ZNRF3: variants seen among roughly 807,000 people sequenced by gnomAD.
ZNRF3 encodes the protein zinc and ring finger 3, also known as E3 ubiquitin-protein ligase ZNRF3.
In ZNRF3, 23 loss-of-function variants were observed where a neutral mutation model predicts 72.5. That is an observed-to-expected ratio of 0.32 (90% CI 0.23 to 0.45). The LOEUF (loss-of-function observed/expected upper bound fraction) is 0.45. Ranked by LOEUF, ZNRF3 falls within the 20% of genes least tolerant of loss-of-function variation. ZNRF3 has a pLI of 1.00. For synonymous variants in ZNRF3, 610 were observed against 545.3 expected (o/e 1.12, Z -1.65); for missense variants, 1,169 against 1,272.1 (o/e 0.92, Z 1.23).
Position 29,050,666 on chromosome 22 carries a change from A to T in ZNRF3, c.2485A>T (p.Ile829Phe). ...YPGARDLSQR[I>F]PIIPEDVDCD... ...CGGGGCCCGGGACCTGAGCCAGCGC[A>T]TCCCCATCATTCCAGAGGATGTGGA... The change falls in exon 8 of 9, where the codon ATC (isoleucine) becomes TTC (phenylalanine). Residue 829 changes from isoleucine to phenylalanine, a missense_variant. This residue lies in a region of ZNRF3 where 783 missense variants were observed against 731.4 expected (regional missense o/e 1.07). Transcript: ENST00000544604. The T allele has an allele frequency of 1.2e-6, 2 of 1,612,490 alleles. No homozygotes were observed. Among genetic ancestry groups the T allele is most frequent in the Non-Finnish European group, 1.7e-6 (2 of 1,179,632 alleles).
chr22:29,050,375 A>G lies in ZNRF3; in HGVS notation c.2194A>G (p.Thr732Ala), dbSNP rs762695568. The change falls in exon 8 of 9, where the codon ACC becomes GCC. Residue 732 changes from threonine (T) to alanine (A), a missense_variant. Physicochemically the swap from Thr to Ala is moderately conservative, Grantham distance 58. This residue lies in a region of ZNRF3 where 783 missense variants were observed against 731.4 expected (regional missense o/e 1.07). Transcript: ENST00000544604. ...TAGCGCCGGAGCAGCTGGCAGCAGC[A>G]CCTTGTTCCTGGGGCCCCACCTCTA... Reference protein sequence around the residue: ...GPSAGAAGSSTLFLGPHLYEG... With the variant: ...GPSAGAAGSSALFLGPHLYEG... The G allele has an allele frequency of 6.2e-7, 1 of 1,603,970 alleles. No homozygotes were observed. Among genetic ancestry groups the G allele is most frequent in the South Asian group, 1.1e-5 (1 of 90,726 alleles).
chr22:28,950,610 A>G (rs925613940), intron 1 of ZNRF3, among the ~76,000 whole-genome samples: 1 of 151,930 alleles, frequency 6.6e-6, no homozygotes, highest in Non-Finnish European at 1.5e-5. Context: ...CCCTTATTTC[A>G]TGTTTTGAGT....
intron 2 of ZNRF3, among the ~76,000 whole-genome samples, chr22:29,012,798 GTC>G (rs1208341973): frequency 1.3e-5 from 2 of 152,204 alleles, no homozygotes; most frequent in Non-Finnish European, 2.9e-5. Context: ...TCCATGCTGA[GTC>G]TCAGGCTGGG....
chr22:29,052,206 T>C (rs1174672230), intron 8 of ZNRF3, among the ~76,000 whole-genome samples: 2 of 152,202 alleles, frequency 1.3e-5, no homozygotes, highest in African/African-American at 4.8e-5. Context: ...TATCTACTTC[T>C]CTGCACTCCC....
chr22:28,950,022 A>G (rs897833991), intron 1 of ZNRF3, among the ~76,000 whole-genome samples: 1 of 152,076 alleles, frequency 6.6e-6, no homozygotes, highest in Non-Finnish European at 1.5e-5. Flanking sequence ...TTATTGCTTC[A>G]TCTGCATTGC....
At chr22:28,940,573 GTTC>G in intron 1 of ZNRF3, among the ~76,000 whole-genome samples, 1 of 150,980 alleles carries the variant, frequency 6.6e-6, no homozygotes, top group Admixed American at 6.6e-5. Flanking sequence ...TTAATCACAG[GTTC>G]TTCTTCCATT....
Position 28,967,757 on chromosome 22 carries a change from C to T in ZNRF3, c.301-19319C>T, listed in dbSNP as rs567949660. 2.6e-5 allele frequency among the ~76,000 whole-genome samples: 4 copies of T among 151,670 alleles called. No individual in the cohort carries two copies. In the South Asian group the frequency reaches 8.4e-4, roughly 32 times the overall value. Reference sequence around the variant, plus strand: ...GCCTAGACAACATAGTGAAACCCATCTCTACAAAAAAACAAAAACTAGCCA... The same window carrying T: ...GCCTAGACAACATAGTGAAACCCATTTCTACAAAAAAACAAAAACTAGCCA... On this transcript the variant is annotated intron_variant, in intron 1 of 8. Transcript: ENST00000544604.
At chr22:29,013,106 C>A (rs2036372493) in intron 2 of ZNRF3, among the ~76,000 whole-genome samples, 1 of 152,182 alleles carries the variant, frequency 6.6e-6, no homozygotes, top group Admixed American at 6.6e-5. Flanking sequence ...TGAAGAGCCA[C>A]CCATTCCTGG....
intron 1 of ZNRF3, among the ~76,000 whole-genome samples, chr22:28,916,150 C>G (rs574170440): frequency 2.0e-5 from 3 of 152,206 alleles, no homozygotes; most frequent in Non-Finnish European, 4.4e-5. Flanking sequence ...CAGCCTCCCC[C>G]TCCTGGGCTC....
chr22:29,006,217 T>TTTC (rs1398120597), intron 2 of ZNRF3, among the ~76,000 whole-genome samples: 1 of 147,712 alleles, frequency 6.8e-6, no homozygotes, highest in Non-Finnish European at 1.5e-5. Flanking sequence ...CCGTTTCTTT[T>TTTC]TTTTTTTTTT....
chr22:28,895,893 T>C (rs893529061), intron 1 of ZNRF3, among the ~76,000 whole-genome samples: 1 of 152,144 alleles, frequency 6.6e-6, no homozygotes, highest in African/African-American at 2.4e-5. Context: ...ACTTACAGTA[T>C]CTTAGTTCAT....
intron 1 of ZNRF3, among the ~76,000 whole-genome samples, chr22:28,972,134 C>T (rs1031332597): frequency 1.3e-5 from 2 of 152,038 alleles, no homozygotes; most frequent in Admixed American, 6.5e-5. Flanking sequence ...ATTCACATAC[C>T]ATATAATTCA....
chr22:28,982,433 CAAAAAAAA>C lies in ZNRF3; in HGVS notation c.301-4627_301-4620del, dbSNP rs61589852. ...GGCGACATTGTGAGACCTGTCTCTACAAAAAAAAAAAAAAAAAAAAAAAGTCAATAAAT... is the reference window on the plus strand; with the variant it reads ...GGCGACATTGTGAGACCTGTCTCTACAAAAAAAAAAAAAAAGTCAATAAAT... On this transcript the variant is annotated intron_variant, in intron 1 of 8. Transcript: ENST00000544604. Among the ~76,000 whole-genome samples the C allele has an allele frequency of 2.8e-3, 216 of 76,468 alleles. 2 individuals are homozygous for C. The highest frequency in any genetic ancestry group is 6.8e-3 in the Middle Eastern group (1 of 146). The allele number at this position is 76,468 out of a possible 152,430, so 50.2% of individuals were successfully genotyped here.
chr22:28,972,763 C>T (rs2035600373), intron 1 of ZNRF3, among the ~76,000 whole-genome samples: 1 of 152,170 alleles, frequency 6.6e-6, no homozygotes, highest in African/African-American at 2.4e-5. Flanking sequence ...CACATTCTAG[C>T]CAACACTTGG....
chr22:28,906,985 C>CT lies in ZNRF3; in HGVS notation c.300+22934dup, dbSNP rs1367720454. On this transcript the variant is annotated intron_variant, in intron 1 of 8. Transcript: ENST00000544604. ...GTCATTTTCTTTTCTTTCTTTCTTTCTTTTTTTTTTTTTTTGAGATGGACT... is the reference window on the plus strand; with the variant it reads ...GTCATTTTCTTTTCTTTCTTTCTTTCTTTTTTTTTTTTTTTTGAGATGGACT... Among the ~76,000 whole-genome samples the CT allele has an allele frequency of 6.3e-3, 878 of 140,406 alleles. 6 individuals carry two copies. Among genetic ancestry groups the CT allele is most frequent in the South Asian group, 0.019 (83 of 4,400 alleles). The allele number at this position is 140,406 out of a possible 152,430, so 92.1% of individuals were successfully genotyped here. A position where few individuals can be genotyped will look rare whatever the true frequency, so the allele number is the denominator to read the frequency against.
intron 3 of ZNRF3, 53 bp from the exon 4 acceptor site, chr22:29,043,246 C>T: frequency 1.3e-6 from 2 of 1,590,500 alleles, no homozygotes; most frequent in Non-Finnish European, 8.6e-7. Flanking sequence ...TTTCTCTCTA[C>T]TGCTTCTTAA....
At chr22:28,956,345 TC>T (rs35950956) in intron 1 of ZNRF3, among the ~76,000 whole-genome samples, 1 of 150,732 alleles carries the variant, frequency 6.6e-6, no homozygotes, top group Non-Finnish European at 1.5e-5. Context: ...GGCCTTTGTT[TC>T]CATTTCCTTT....
At chr22:28,885,698 T>C (rs1360815974) in intron 1 of ZNRF3, among the ~76,000 whole-genome samples, 1 of 152,206 alleles carries the variant, frequency 6.6e-6, no homozygotes, top group East Asian at 1.9e-4. Context: ...CGTGTCACTC[T>C]TTCTCAACAG....
At chr22:28,902,566 G>A (rs991163487) in intron 1 of ZNRF3, among the ~76,000 whole-genome samples, 1 of 152,100 alleles carries the variant, frequency 6.6e-6, no homozygotes, top group Non-Finnish European at 1.5e-5. Context: ...GGTTCTTTAA[G>A]CATGTTGTAA....
Sources: gnomAD v4.1 joint callset for allele counts (sites outside exome capture counted in the v4.1 genomes callset) on GRCh38, gnomAD v4.1.1 for gene constraint, gnomAD v4.1.1 regional missense constraint, MANE v1.5 for transcripts, NCBI Gene and HGNC (gene_info 2026-07-23, HGNC 2026-07-21) for gene names.